NELL1: variants seen among roughly 807,000 people sequenced by gnomAD.
The protein encoded by NELL1 is neural EGFL like 1.
Under a neutral mutation model 107.4 loss-of-function variants are expected in NELL1, and 76 were observed. The observed-to-expected ratio is 0.71, with a 90% CI of 0.59 to 0.86. The LOEUF is 0.86. Among genes scored for constraint, NELL1 ranks in the 40% least tolerant of loss-of-function variants. The pLI, the probability that NELL1 is intolerant of heterozygous loss-of-function variation, is 0.00. For synonymous variants in NELL1, 353 were observed against 341.2 expected (o/e 1.03, Z -0.38); for missense variants, 1,024 against 1,005.5 (o/e 1.02, Z -0.25).
intron 12 of NELL1, among the ~76,000 whole-genome samples, chr11:21,046,582 A>T (rs1477566226): frequency 2.0e-5 from 3 of 152,226 alleles, no homozygotes. Context: ...AAACAGTAAT[A>T]CTTAGGAGCA....
intron 2 of NELL1, among the ~76,000 whole-genome samples, chr11:20,693,115 C>CT (rs1306960811): frequency 6.6e-6 from 1 of 151,264 alleles, no homozygotes. Flanking sequence ...CAACCCCTGC[C>CT]TTTTTTTGTT....
chr11:20,840,497 C>T (rs960634817), intron 3 of NELL1, among the ~76,000 whole-genome samples: 2 of 152,284 alleles, frequency 1.3e-5, no homozygotes, highest in Admixed American at 1.3e-4. Context: ...TGTTTTCACT[C>T]ATAAAGCTGG....
intron 14 of NELL1, among the ~76,000 whole-genome samples, chr11:21,301,975 A>G (rs1849501203): frequency 1.3e-5 from 2 of 152,068 alleles, no homozygotes; most frequent in African/African-American, 4.8e-5. Context: ...AGGTGAAGAT[A>G]TCTCAAAACT....
intron 12 of NELL1, among the ~76,000 whole-genome samples, chr11:20,982,286 A>G (rs925870119): frequency 6.6e-6 from 1 of 152,168 alleles, no homozygotes; most frequent in Non-Finnish European, 1.5e-5. Flanking sequence ...TGCTCAAATG[A>G]AACTGAGGGT....
At chr11:21,257,088 T>C (rs891336638) in intron 14 of NELL1, among the ~76,000 whole-genome samples, 2 of 152,006 alleles carry the variant, frequency 1.3e-5, no homozygotes, top group African/African-American at 4.8e-5. Context: ...ATGCAGTTGC[T>C]GGCAGTGGGA....
At chr11:20,809,173 G>T (rs948908183) in intron 3 of NELL1, among the ~76,000 whole-genome samples, 2 of 152,064 alleles carry the variant, frequency 1.3e-5, no homozygotes. Flanking sequence ...AAGTGTTTTT[G>T]TTTAAGTAGT....
At chr11:21,018,422 T>C (rs1483744016) in intron 12 of NELL1, among the ~76,000 whole-genome samples, 1 of 152,092 alleles carries the variant, frequency 6.6e-6, no homozygotes, top group Non-Finnish European at 1.5e-5. Context: ...TTTTGGCCAG[T>C]GGGCACGAAG....
chr11:21,374,877 CTG>C (rs1237241848), intron 15 of NELL1, among the ~76,000 whole-genome samples: 1 of 89,808 alleles, frequency 1.1e-5, no homozygotes, highest in African/African-American at 4.2e-5. Flanking sequence ...GTGGAACTGA[CTG>C]TGTGTGTCTG....
chr11:21,052,685 T>C (rs1853524145), intron 12 of NELL1, among the ~76,000 whole-genome samples: 1 of 151,918 alleles, frequency 6.6e-6, no homozygotes, highest in African/African-American at 2.4e-5. Flanking sequence ...GTGCATTTAG[T>C]TTGGTCACTG....
At chr11:20,692,548 G>A (rs999235299) in intron 2 of NELL1, among the ~76,000 whole-genome samples, 1 of 150,632 alleles carries the variant, frequency 6.6e-6, no homozygotes, top group Admixed American at 6.6e-5. Flanking sequence ...TATGTACCCA[G>A]TAGTCATTCA....
chr11:21,042,754 A>G (rs1853266746), intron 12 of NELL1, among the ~76,000 whole-genome samples: 1 of 152,044 alleles, frequency 6.6e-6, no homozygotes, highest in Non-Finnish European at 1.5e-5. Context: ...TCTGAGGTAA[A>G]TGGGAGGTCA....
chr11:20,911,463 C>T (rs1173397929), intron 5 of NELL1, among the ~76,000 whole-genome samples: 1 of 152,142 alleles, frequency 6.6e-6, no homozygotes, highest in East Asian at 1.9e-4. Context: ...AGACCCAGGT[C>T]TTTATGATTT....
At chr11:21,495,600 G>A (rs762254429) in intron 15 of NELL1, among the ~76,000 whole-genome samples, 51 of 152,188 alleles carry the variant, frequency 3.4e-4, no homozygotes, top group Non-Finnish European at 5.9e-4. Flanking sequence ...TTGCACAGTG[G>A]CTGCATAATT....
intron 15 of NELL1, among the ~76,000 whole-genome samples, chr11:21,499,748 T>G (rs572075388): frequency 6.6e-6 from 1 of 152,234 alleles, no homozygotes; most frequent in Admixed American, 6.5e-5. Context: ...GAATAGCAAG[T>G]GTGCACAAGG....
intron 5 of NELL1, among the ~76,000 whole-genome samples, chr11:20,911,360 G>C (rs1260098295): frequency 6.6e-6 from 1 of 152,176 alleles, no homozygotes; most frequent in Non-Finnish European, 1.5e-5. Context: ...CTAAGTTAGT[G>C]ATTTTTATCC....
chr11:21,395,828 A>G (rs1851967211), intron 15 of NELL1, among the ~76,000 whole-genome samples: 1 of 151,536 alleles, frequency 6.6e-6, no homozygotes, highest in Admixed American at 6.6e-5. Context: ...TGGAGCCTGA[A>G]AAAAACAACA....
At chr11:20,836,970 G>A (rs1848544451) in intron 3 of NELL1, among the ~76,000 whole-genome samples, 2 of 152,174 alleles carry the variant, frequency 1.3e-5, no homozygotes, top group South Asian at 4.1e-4. Flanking sequence ...AAATCATTTA[G>A]GAAGTTAAGA....
intron 14 of NELL1, among the ~76,000 whole-genome samples, chr11:21,360,282 A>G (rs1284986525): frequency 6.6e-6 from 1 of 152,046 alleles, no homozygotes; most frequent in Middle Eastern, 3.2e-3. Flanking sequence ...TTTAATTTCT[A>G]TGTATTTGTA....
At chr11:20,970,988 C>T (rs1252799497) in intron 12 of NELL1, among the ~76,000 whole-genome samples, 10 of 152,144 alleles carry the variant, frequency 6.6e-5, no homozygotes, top group Admixed American at 5.2e-4. Context: ...GATAAAGCAT[C>T]GTTGAGGTCA....
Sources: gnomAD v4.1 joint callset for allele counts (sites outside exome capture counted in the v4.1 genomes callset) on GRCh38, gnomAD v4.1.1 for gene constraint, MANE v1.5 for transcripts, NCBI Gene and HGNC (gene_info 2026-07-23, HGNC 2026-07-21) for gene names.